ASCC1: variants seen among roughly 807,000 people sequenced by gnomAD.
ASCC1 encodes activating signal cointegrator 1 complex subunit 1.
A neutral mutation model predicts 46.6 loss-of-function variants in ASCC1; 35 were observed. That is an observed-to-expected ratio of 0.75 (90% confidence interval 0.57 to 0.99). ASCC1 has a LOEUF of 0.99. Ranked by LOEUF, ASCC1 falls within the 50% of genes least tolerant of loss-of-function variation. ASCC1 has a pLI of 0.00. For missense variants in ASCC1, 376 were observed against 428.7 expected (o/e 0.88, Z 1.09); for synonymous variants, 143 against 146.6 (o/e 0.98, Z 0.18).
At chr10:72,156,729 G>C (rs1339306148) in intron 6 of ASCC1, among the ~76,000 whole-genome samples, 1 of 146,260 alleles carries the variant, frequency 6.8e-6, no homozygotes, top group Admixed American at 7.0e-5. Flanking sequence ...CAGAGATCTC[G>C]CCACTGCACT....
intron 9 of ASCC1, among the ~76,000 whole-genome samples, chr10:72,121,634 G>A (rs1844219830): frequency 6.6e-6 from 1 of 152,100 alleles, no homozygotes; most frequent in Non-Finnish European, 1.5e-5. Flanking sequence ...TTCAGAGCAA[G>A]GAAAGTTATT....
chr10:72,135,309 C>T (rs1205188149), intron 7 of ASCC1, among the ~76,000 whole-genome samples: 4 of 151,990 alleles, frequency 2.6e-5, no homozygotes, highest in African/African-American at 4.8e-5. Flanking sequence ...GTGCCACATG[C>T]CTTGAAGGAG....
rs1417947234 is a variant in ASCC1 at position 72,133,064 on chromosome 10, G to A, written c.864C>T (p.Asp288=). 2 of 1,614,014 alleles carry A rather than the reference G, an allele frequency of 1.2e-6. No individual in the cohort carries two copies. The highest frequency in any genetic ancestry group is 3.3e-5 in the Admixed American group (2 of 60,008). ...ATVMNTLFRK[D]PNAEGRYNLY... ...GTTCTCTGGGGGACTTACCATTGGG[G>A]TCTTTCCTGAATAGTGTATTCATAA... Residue 288 remains aspartate, a synonymous_variant, in exon 8 of 10, where the codon GAC becomes GAT. Transcript: ENST00000672957.
At chr10:72,154,000 C>T (rs1848670010) in intron 6 of ASCC1, among the ~76,000 whole-genome samples, 1 of 152,182 alleles carries the variant, frequency 6.6e-6, no homozygotes, top group Non-Finnish European at 1.5e-5. Flanking sequence ...TGATTACAGG[C>T]ATGAGCCACT....
At chr10:72,140,578 G>A (rs1236888136) in intron 7 of ASCC1, among the ~76,000 whole-genome samples, 3 of 152,264 alleles carry the variant, frequency 2.0e-5, no homozygotes, top group African/African-American at 4.8e-5. Context: ...ATGAACTGCA[G>A]AAATATATGT....
intron 5 of ASCC1, among the ~76,000 whole-genome samples, chr10:72,179,671 C>T (rs368130569): frequency 3.9e-5 from 6 of 152,254 alleles, no homozygotes; most frequent in African/African-American, 1.2e-4. Flanking sequence ...GATATAAATA[C>T]CTACCTCATA....
chr10:72,213,564 ACC>A (rs200273847), intron 1 of ASCC1, among the ~76,000 whole-genome samples: 18 of 111,572 alleles, frequency 1.6e-4, no homozygotes, highest in African/African-American at 5.6e-4. Context: ...ACTATTTATC[ACC>A]CCCCCCCCAA....
chr10:72,103,771 A>G (rs1269811492), intron 9 of ASCC1, among the ~76,000 whole-genome samples: 1 of 152,138 alleles, frequency 6.6e-6, no homozygotes, highest in Non-Finnish European at 1.5e-5. Context: ...AGAGCATAGA[A>G]AAGAATCCGA....
rs771743762 is a variant in ASCC1 at position 72,097,400 on chromosome 10, G to A, written c.1008C>T (p.Ile336=). Residue 336 remains isoleucine, a synonymous_variant, in exon 10 of 10, where the codon ATC becomes ATT. Coordinates refer to ENST00000672957, the MANE Select transcript of ASCC1 (RefSeq NM_001198800.3). The part of the protein sequence containing the change: ...FGSLKLNSIH[I]SQRFTVDSFG... Reference sequence around the variant, plus strand: ...AGCTGTCTACGGTGAACCTCTGAGAGATGTGAATTGAATTCAGCTTTAGGG... The same window carrying A: ...AGCTGTCTACGGTGAACCTCTGAGAAATGTGAATTGAATTCAGCTTTAGGG... 6.2e-7 allele frequency: 1 copy of A among 1,613,982 alleles called. No individual in the cohort carries two copies.
At chr10:72,202,467 CA>C (rs199869822) in intron 4 of ASCC1, among the ~76,000 whole-genome samples, 351 of 129,818 alleles carry the variant, frequency 2.7e-3, no homozygotes, top group Non-Finnish European at 2.9e-3. Flanking sequence ...GACTCTGTCT[CA>C]AAAAAAAAAA....
chr10:72,208,037 G>C lies in ASCC1; in HGVS notation c.212+2695C>G, dbSNP rs148849334. 2.5e-3 allele frequency among the ~76,000 whole-genome samples: 379 copies of C among 151,908 alleles called. 1 individual carries two copies. The highest frequency in any genetic ancestry group is 8.2e-3 in the African/African-American group (338 of 41,392). ...AACAGGGTCTCACCATGTTGCCCAA[G>C]CTGGGTGGTCTCCAACTCATGGGCT... On this transcript the variant is annotated intron_variant, in intron 3 of 9. Transcript: ENST00000672957.
rs144637205 is a variant in ASCC1 at position 72,176,132 on chromosome 10, G to A, written c.490-14458C>T. The stretch of plus-strand genomic sequence containing the variant: ...ATACCATTATTATCCCCACTTCAGA[G>A]CAGAACTCTGAAATATCTTTGGAAT... On this transcript the variant is annotated intron_variant, in intron 5 of 9. Transcript: ENST00000672957. Among the ~76,000 whole-genome samples, 278 of 152,252 alleles carry A rather than the reference G, an allele frequency of 1.8e-3. 1 individual carries two copies. Among genetic ancestry groups the A allele is most frequent in the African/African-American group, 6.2e-3 (256 of 41,546 alleles).
At chr10:72,162,942 C>CA (rs34656757) in intron 5 of ASCC1, among the ~76,000 whole-genome samples, 5 of 143,592 alleles carry the variant, frequency 3.5e-5, no homozygotes, top group South Asian at 2.1e-4. Flanking sequence ...GACTCTGTCT[C>CA]AAAAAAAAAG....
chr10:72,096,348 T>C lies in ASCC1; in HGVS notation c.*986A>G. The C allele has an allele frequency of 2.2e-6, 1 of 454,074 alleles. No homozygotes were observed. Among genetic ancestry groups the C allele is most frequent in the South Asian group, 1.6e-5 (1 of 64,480 alleles). 28.1% of individuals were successfully genotyped at this position (454,074 alleles called of 1,614,324 possible). A position where few individuals can be genotyped will look rare whatever the true frequency, so the allele number is the denominator to read the frequency against. ...TCCAGGGAACTCTGCACAGTCCTGC[T>C]GATATCATCAGTTTCTTTTGCTGCT... On this transcript the variant is annotated 3_prime_UTR_variant, in exon 10 of 10. Transcript: ENST00000672957.
chr10:72,152,911 T>A lies in ASCC1; in HGVS notation c.704A>T (p.Asp235Val). Residue 235 changes from aspartate (D) to valine (V), a missense_variant, in exon 7 of 10, where the codon GAT becomes GTT. By Grantham distance (152) the Asp-to-Val change is radical. Transcript: ENST00000672957. ...CATATGGACTTTGGCGTAAAGAACA[T>A]CCACCATGCCAGGATCATCATTCAT... ...EYMNDDPGMV[D>V]VLYAKVHMKD... The A allele has an allele frequency of 6.2e-7, 1 of 1,614,068 alleles. No homozygotes were observed. The highest frequency in any genetic ancestry group is 8.5e-7 in the Non-Finnish European group (1 of 1,179,994).
chr10:72,187,719 CAAAAAAAAAAA>C (rs761851091), intron 5 of ASCC1, among the ~76,000 whole-genome samples: 36 of 35,218 alleles, frequency 1.0e-3, no homozygotes, highest in Non-Finnish European at 1.7e-3. Context: ...GAATCCGTCT[CAAAAAAAAAAA>C]AAAAAAAAAA....
intron 7 of ASCC1, among the ~76,000 whole-genome samples, chr10:72,144,143 A>G (rs1288045836): frequency 6.6e-6 from 1 of 151,686 alleles, no homozygotes; most frequent in Non-Finnish European, 1.5e-5. Flanking sequence ...CGCCCAGCTA[A>G]TTTTTGTATT....
At chr10:72,215,935 C>T (rs1294454845) in intron 1 of ASCC1, 1 of 152,314 alleles carries the variant, frequency 6.6e-6, no homozygotes, top group Admixed American at 6.5e-5. Context: ...ACCCGGAATT[C>T]CTCTACGCGA....
intron 2 of ASCC1, among the ~76,000 whole-genome samples, chr10:72,211,682 G>A (rs760599876): frequency 6.6e-6 from 1 of 152,024 alleles, no homozygotes; most frequent in Non-Finnish European, 1.5e-5. Context: ...AATTAGCCAG[G>A]CATGGTGGTG....
Sources: gnomAD v4.1 joint callset for allele counts (sites outside exome capture counted in the v4.1 genomes callset) on GRCh38, gnomAD v4.1.1 for gene constraint, MANE v1.5 for transcripts, NCBI Gene and HGNC (gene_info 2026-07-23, HGNC 2026-07-21) for gene names.